Variants in SACS observed in about 807,000 individuals in gnomAD.
SACS encodes sacsin molecular chaperone.
A neutral mutation model predicts 348.0 loss-of-function variants in SACS; 197 were observed. That is an observed-to-expected ratio of 0.57 (90% CI 0.50 to 0.64). SACS has a LOEUF of 0.64. Ranked by LOEUF, SACS falls within the 30% of genes least tolerant of loss-of-function variation. SACS has a pLI of 0.00. For missense variants in SACS, 4,999 were observed against 5,360.8 expected (o/e 0.93, Z 2.11); for synonymous variants, 1,985 against 1,910.6 (o/e 1.04, Z -1.02).
At chr13:23,370,760 C>CA (rs1160346883) in intron 4 of SACS, among the ~76,000 whole-genome samples, 1 of 152,164 alleles carries the variant, frequency 6.6e-6, no homozygotes, top group Non-Finnish European at 1.5e-5. Context: ...GTCAGGAGTT[C>CA]AAGACCAGCC....
chr13:23,375,177 A>G lies in SACS; in HGVS notation c.113T>C (p.Ile38Thr). ...CACCGGGAAGCCAGTCTCCGCGAAG[A>G]TACGTTCCTTCACATCGCGCACGGT... ...SWTVRDVKERIFAETGFPVSE... is the reference protein window; with the variant it reads ...SWTVRDVKERTFAETGFPVSE... The change falls in exon 3 of 10, where the codon ATC becomes ACC. Residue 38 changes from isoleucine to threonine, a missense_variant. Ile to Thr is a moderately conservative substitution (Grantham distance 89, BLOSUM62 -1). Transcript: ENST00000382292. The G allele has an allele frequency of 1.3e-6, 2 of 1,505,894 alleles. No homozygotes were observed. Among genetic ancestry groups the G allele is most frequent in the Admixed American group, 2.2e-5 (1 of 45,204 alleles). 93.3% of individuals were successfully genotyped at this position (1,505,894 alleles called of 1,614,324 possible). A position where few individuals can be genotyped will look rare whatever the true frequency, so the allele number is the denominator to read the frequency against.
Position 23,409,040 on chromosome 13 carries a change from C to CTTTTTTTTTTTTTTTTTT in SACS, c.20+2162_20+2179dup, listed in dbSNP as rs1175897856. 7.9e-3 allele frequency among the ~76,000 whole-genome samples: 276 copies of CTTTTTTTTTTTTTTTTTT among 35,150 alleles called. 94 individuals are homozygous for CTTTTTTTTTTTTTTTTTT. The highest frequency in any genetic ancestry group is 9.3e-3 in the African/African-American group (81 of 8,724). The allele number at this position is 35,150 out of a possible 152,430, so 23.1% of individuals were successfully genotyped here. A position where few individuals can be genotyped will look rare whatever the true frequency, so the allele number is the denominator to read the frequency against. On this transcript the variant is annotated intron_variant, in intron 2 of 9. Transcript: ENST00000382292. ...TATGGTCTTAATAAAACAAGTTTTA[C>CTTTTTTTTTTTTTTTTTT]TTTTTTTTTTTTTTTTTTTTTTTTT...
At position 23,334,136 on chromosome 13, in the gene SACS, G is replaced by A. The variant is rs1339589042; in HGVS notation, c.9740C>T (p.Ala3247Val). The A allele has an allele frequency of 1.2e-6, 2 of 1,613,854 alleles. No individual in the cohort carries two copies. The highest frequency in any genetic ancestry group is 2.2e-5 in the East Asian group (1 of 44,876). ...NFASESWLKNAWHFISESVSV... is the reference protein window; with the variant it reads ...NFASESWLKNVWHFISESVSV... Reference sequence around the variant, plus strand: ...TACAGATTCACTAATAAAATGCCATGCATTCTTAAGCCAAGACTCACTTGC... The same window carrying A: ...TACAGATTCACTAATAAAATGCCATACATTCTTAAGCCAAGACTCACTTGC... The change falls in exon 10 of 10, where the codon GCA becomes GTA. Residue 3247 changes from alanine to valine, a missense_variant. Coordinates refer to ENST00000382292, the MANE Select transcript of SACS (RefSeq NM_014363.6).
At chr13:23,412,270 T>A (rs1416981996) in intron 1 of SACS, among the ~76,000 whole-genome samples, 7 of 151,940 alleles carry the variant, frequency 4.6e-5, no homozygotes, top group Non-Finnish European at 8.8e-5. Context: ...TCAAAAAAAA[T>A]AAAATTAGAA....
At chr13:23,346,420 A>G (rs556685675) in intron 9 of SACS, among the ~76,000 whole-genome samples, 2 of 152,202 alleles carry the variant, frequency 1.3e-5, no homozygotes, top group South Asian at 4.1e-4. Flanking sequence ...CTGGGATTAC[A>G]GGCGTGAGCC....
rs1195919156 is a variant in SACS at position 23,332,934 on chromosome 13, GTTCT to G, written c.10938_10941del (p.Lys3646AsnfsTer4). On this transcript the variant is annotated frameshift_variant, in exon 10 of 10. Transcript: ENST00000382292. LOFTEE classifies it high-confidence loss of function. ...GGACATAAGAATGGTATTAAAGATA[GTTCT>G]TTCAGAAAATTTCCAGATAACAAAT... is the stretch of plus-strand genomic sequence containing the variant. The G allele has an allele frequency of 3.1e-6, 5 of 1,613,898 alleles. No homozygotes were observed. Among genetic ancestry groups the G allele is most frequent in the Non-Finnish European group, 4.2e-6 (5 of 1,179,912 alleles).
At chr13:23,372,056 AAT>A (rs748343612) in intron 3 of SACS, among the ~76,000 whole-genome samples, 6 of 152,218 alleles carry the variant, frequency 3.9e-5, no homozygotes, top group Non-Finnish European at 7.3e-5. Context: ...ATTGGTGTAT[AAT>A]AGTCATTAAT....
At chr13:23,364,936 A>G (rs1394732239) in intron 6 of SACS, among the ~76,000 whole-genome samples, 2 of 152,224 alleles carry the variant, frequency 1.3e-5, no homozygotes, top group African/African-American at 4.8e-5. Flanking sequence ...GGCTTTGGTC[A>G]TTACATTGCT....
At position 23,330,534 on chromosome 13, in the gene SACS, G is replaced by A. The variant is rs770940649; in HGVS notation, c.13342C>T (p.Arg4448Cys). 1.5e-5 allele frequency: 24 copies of A among 1,614,120 alleles called. No individual in the cohort carries two copies. Among genetic ancestry groups the A allele is most frequent in the African/African-American group, 9.3e-5 (7 of 75,042 alleles). ...GCTCTGGCTTGTCTTAGCCATCTGCGTGCTTCCACTGGATTGCCAACCGAC... is the reference window on the plus strand; with the variant it reads ...GCTCTGGCTTGTCTTAGCCATCTGCATGCTTCCACTGGATTGCCAACCGAC... ...FKSVGNPVEA[R>C]RWLRQARANF... The change falls in exon 10 of 10, where the codon CGC becomes TGC. Residue 4448 changes from arginine to cysteine, a missense_variant. Physicochemically the swap from Arg to Cys is radical, Grantham distance 180 (BLOSUM62 -3). Coordinates refer to ENST00000382292, the MANE Select transcript of SACS (RefSeq NM_014363.6).
chr13:23,428,053 A>G (rs1874265663), intron 1 of SACS: 1 of 152,174 alleles, frequency 6.6e-6, no homozygotes, highest in Non-Finnish European at 1.5e-5. Context: ...CACCTGGCAG[A>G]ACAGCTTGAG....
chr13:23,431,185 A>G (rs144608291), intron 1 of SACS, among the ~76,000 whole-genome samples: 40 of 152,388 alleles, frequency 2.6e-4, no homozygotes, highest in African/African-American at 9.4e-4. Flanking sequence ...TACCCCAAAG[A>G]GAGCTATCTG....
rs1131691664 is a variant in SACS at position 23,337,832 on chromosome 13, T to G, written c.6044A>C (p.Tyr2015Ser). The change falls in exon 10 of 10, where the codon TAC becomes TCC. Residue 2015 changes from tyrosine (Y) to serine (S), a missense_variant. Physicochemically the swap from Tyr to Ser is moderately radical, Grantham distance 144. Transcript: ENST00000382292. ...GSAAFKIFLKYLKKTGSKNLC... is the reference protein window; with the variant it reads ...GSAAFKIFLKSLKKTGSKNLC... ...GTTTTTGGACCCAGTCTTCTTGAGG[T>G]ATTTCAAAAATATCTTGAAGGCTGC... is the stretch of plus-strand genomic sequence containing the variant. 1 of 1,613,936 alleles carries G rather than the reference T, an allele frequency of 6.2e-7. No individual in the cohort carries two copies. The highest frequency in any genetic ancestry group is 1.1e-5 in the South Asian group (1 of 91,076).
At chr13:23,384,146 A>T (rs922798054) in intron 2 of SACS, among the ~76,000 whole-genome samples, 3 of 152,238 alleles carry the variant, frequency 2.0e-5, no homozygotes, top group East Asian at 3.8e-4. Flanking sequence ...GGAAGACTCA[A>T]ATAACATTAC....
At chr13:23,358,746 C>A (rs1242185766) in intron 6 of SACS, among the ~76,000 whole-genome samples, 1 of 152,098 alleles carries the variant, frequency 6.6e-6, no homozygotes, top group Non-Finnish European at 1.5e-5. Context: ...TACCCAAAAA[C>A]ATAAGGCAAA....
At chr13:23,412,033 G>A (rs946652295) in intron 1 of SACS, among the ~76,000 whole-genome samples, 2 of 152,324 alleles carry the variant, frequency 1.3e-5, no homozygotes, top group Non-Finnish European at 2.9e-5. Flanking sequence ...GCAGAGGCGC[G>A]CAGGTCACAA....
In SACS at chr13:23,331,442, G is replaced by A. The variant is rs1380249932; in HGVS notation, c.12434C>T (p.Ser4145Phe). The A allele has an allele frequency of 6.2e-7, 1 of 1,613,886 alleles. No individual in the cohort carries two copies. Among genetic ancestry groups the A allele is most frequent in the African/African-American group, 1.3e-5 (1 of 74,898 alleles). The change falls in exon 10 of 10, where the codon TCT becomes TTT. Residue 4145 changes from serine (S) to phenylalanine (F), a missense_variant. Physicochemically the swap from Ser to Phe is radical, Grantham distance 155. Around this residue, in one of 6 missense-constraint regions of SACS, gnomAD observed 831 missense variants for 941.8 expected, o/e 0.88. Transcript: ENST00000382292. ...KLDSLGVKYDSSEPSKLELPM... is the reference protein window; with the variant it reads ...KLDSLGVKYDFSEPSKLELPM... The stretch of plus-strand genomic sequence containing the variant: ...AAGTTCCAGTTTTGATGGCTCCGAA[G>A]AGTCATATTTCACTCCTAAACTGTC...
At position 23,333,785 on chromosome 13, in the gene SACS, G is replaced by A; in HGVS notation, c.10091C>T (p.Ala3364Val). The A allele has an allele frequency of 6.2e-7, 1 of 1,613,814 alleles. No homozygotes were observed. Among genetic ancestry groups the A allele is most frequent in the Non-Finnish European group, 8.5e-7 (1 of 1,179,820 alleles). The change falls in exon 10 of 10, where the codon GCT becomes GTT. Residue 3364 changes from alanine (A) to valine (V), a missense_variant. By Grantham distance (64) the Ala-to-Val change is moderately conservative. Transcript: ENST00000382292. Reference sequence around the variant, plus strand: ...TGAAGTTTGGACCATATAATGTAGAGCCTTCAAGATGCTTGTGGGGCTCTC... The same window carrying A: ...TGAAGTTTGGACCATATAATGTAGAACCTTCAAGATGCTTGTGGGGCTCTC... ...NIESPTSILK[A>V]LHYMVQTSTF...
chr13:23,423,514 C>A (rs1874041193), intron 1 of SACS, among the ~76,000 whole-genome samples: 1 of 152,044 alleles, frequency 6.6e-6, no homozygotes, highest in Admixed American at 6.6e-5. Flanking sequence ...TAAACAAGTT[C>A]CAAAAGGACG....
chr13:23,333,086 T>A lies in SACS; in HGVS notation c.10790A>T (p.Gln3597Leu). Residue 3597 changes from glutamine to leucine, a missense_variant, in exon 10 of 10, where the codon CAG becomes CTG. By Grantham distance (113) the Gln-to-Leu change is moderately radical (BLOSUM62 -2). This residue lies in a region of SACS where 831 missense variants were observed against 941.8 expected (regional missense o/e 0.88). Transcript: ENST00000382292. ...CTTAGCAAACTGTAACAACTGCTGC[T>A]GAGAAAGTATGTATTTTAGTCCAAT... is the stretch of plus-strand genomic sequence containing the variant. ...RNIGLKYILS[Q>L]QQLLQFAKEI... 6.2e-7 allele frequency: 1 copy of A among 1,613,900 alleles called. No homozygotes were observed. The highest frequency in any genetic ancestry group is 1.1e-5 in the South Asian group (1 of 91,076).
Sources: gnomAD v4.1 joint callset for allele counts (sites outside exome capture counted in the v4.1 genomes callset) on GRCh38, gnomAD v4.1.1 for gene constraint, gnomAD v4.1.1 regional missense constraint, MANE v1.5 for transcripts, NCBI Gene and HGNC (gene_info 2026-07-23, HGNC 2026-07-21) for gene names.